Variants in GGACT observed in about 807,000 individuals in gnomAD.
GGACT encodes the protein gamma-glutamylaminecyclotransferase.
For missense variants in GGACT, 241 were observed against 233.2 expected (o/e 1.03, Z -0.22); for synonymous variants, 118 against 115.3 (o/e 1.02, Z -0.15).
At position 100,534,412 on chromosome 13, in the gene GGACT, G is replaced by A. The variant is rs1156284332; in HGVS notation, c.-10-1811C>T. ...GTGAATTAAGGAGAACCTGGGGTAGGACGGTACTGAGGAAGAGAAGAGGCA... is the reference window on the plus strand; with the variant it reads ...GTGAATTAAGGAGAACCTGGGGTAGAACGGTACTGAGGAAGAGAAGAGGCA... On this transcript the variant is annotated intron_variant, in intron 2 of 2. Coordinates refer to ENST00000683975, the MANE Select transcript of GGACT (RefSeq NM_001195087.2). The surrounding 1 kb of genome is among the most constrained non-coding windows in gnomAD (Gnocchi z 4.9). Among the ~76,000 whole-genome samples, 4 of 152,168 alleles carry A rather than the reference G, an allele frequency of 2.6e-5. No individual in the cohort carries two copies. The highest frequency in any genetic ancestry group is 9.7e-5 in the African/African-American group (4 of 41,422).
intron 2 of GGACT, among the ~76,000 whole-genome samples, chr13:100,562,295 A>G (rs2088769897): frequency 6.6e-6 from 1 of 152,190 alleles, no homozygotes; most frequent in African/African-American, 2.4e-5. Flanking sequence ...TTCCATTTTC[A>G]TAAATACACC....
At chr13:100,558,794 A>T (rs1417921866) in intron 2 of GGACT, among the ~76,000 whole-genome samples, 1 of 152,146 alleles carries the variant, frequency 6.6e-6, no homozygotes, top group Non-Finnish European at 1.5e-5. Flanking sequence ...CTGACCTCCT[A>T]GGAGCAGAAT....
At chr13:100,568,479 C>T (rs927286685) in intron 2 of GGACT, among the ~76,000 whole-genome samples, 3 of 152,244 alleles carry the variant, frequency 2.0e-5, no homozygotes, top group Non-Finnish European at 4.4e-5. Context: ...TGAGAACTAA[C>T]TCACTATCAC....
At chr13:100,532,749 C>G (rs1476790551) in intron 2 of GGACT, 148 bp from the exon 3 acceptor site, 3 of 623,900 alleles carry the variant, frequency 4.8e-6, no homozygotes, top group Non-Finnish European at 8.4e-6. Flanking sequence ...TACTTACCGA[C>G]GCAGATGAGA....
At position 100,532,553 on chromosome 13, in the gene GGACT, A is replaced by T. The variant is rs899075436; in HGVS notation, c.39T>A (p.Gly13=). Residue 13 remains glycine (G), a synonymous_variant, in exon 3 of 3, where the codon GGT becomes GGA. Transcript: ENST00000683975. ...LVFVYGTLKR[G]QPNHRVLRDG... ...CCCGCAGGACCCTGTGGTTGGGCTG[A>T]CCCCGCTTCAGGGTGCCGTACACGA... The T allele has an allele frequency of 2.2e-5, 34 of 1,547,000 alleles. No homozygotes were observed. In the African/African-American group the frequency reaches 3.8e-4, roughly 17 times the overall value.
chr13:100,585,294 C>A (rs1215403719), intron 1 of GGACT, among the ~76,000 whole-genome samples: 1 of 152,202 alleles, frequency 6.6e-6, no homozygotes, highest in Non-Finnish European at 1.5e-5. Context: ...AACACAAAAG[C>A]TTTGGAAATT....
intron 2 of GGACT, among the ~76,000 whole-genome samples, chr13:100,553,843 C>CAA (rs10664762): frequency 0.51 from 59,516 of 117,320 alleles, 15,498 homozygotes; most frequent in South Asian, 0.71. Context: ...GACTCCATCT[C>CAA]AAAAAAAAAA....
In GGACT at chr13:100,562,471, G is replaced by A. The variant is rs1427588970; in HGVS notation, c.-11+21354C>T. ...GAGGACACTGGGACAGACAGCACAGGCAACTCACCCAAAGTCACACCACTG... is the reference window on the plus strand; with the variant it reads ...GAGGACACTGGGACAGACAGCACAGACAACTCACCCAAAGTCACACCACTG... On this transcript the variant is annotated intron_variant, in intron 2 of 2. Transcript: ENST00000683975. 5.9e-5 allele frequency among the ~76,000 whole-genome samples: 9 copies of A among 152,070 alleles called. 1 individual carries two copies. Among genetic ancestry groups the A allele is most frequent in the Non-Finnish European group, 2.9e-5 (2 of 67,998 alleles).
chr13:100,547,076 G>T (rs186443089), intron 2 of GGACT, among the ~76,000 whole-genome samples: 5 of 152,304 alleles, frequency 3.3e-5, no homozygotes, highest in Admixed American at 2.6e-4. Context: ...AAACCCTACA[G>T]GTTCAAACAT....
chr13:100,562,092 A>G (rs1488347782), intron 2 of GGACT, among the ~76,000 whole-genome samples: 1 of 152,176 alleles, frequency 6.6e-6, no homozygotes, highest in Non-Finnish European at 1.5e-5. Context: ...GCCTCTAAAT[A>G]GGGACAGAAA....
At position 100,543,197 on chromosome 13, in the gene GGACT, C is replaced by CTTTTTTTTTTTTTTTTT. The variant is rs147710327; in HGVS notation, c.-10-10613_-10-10597dup. Among the ~76,000 whole-genome samples, 23 of 69,902 alleles carry CTTTTTTTTTTTTTTTTT rather than the reference C, an allele frequency of 3.3e-4. 4 individuals carry two copies. Among genetic ancestry groups the CTTTTTTTTTTTTTTTTT allele is most frequent in the African/African-American group, 1.3e-3 (21 of 16,184 alleles). The allele number at this position is 69,902 out of a possible 152,430, so 45.9% of individuals were successfully genotyped here. A position where few individuals can be genotyped will look rare whatever the true frequency, so the allele number is the denominator to read the frequency against. On this transcript the variant is annotated intron_variant, in intron 2 of 2. Transcript: ENST00000683975. Reference sequence around the variant, plus strand: ...CAAAAGGATTTTAAAAAGACACCAGCTTTTTTTTTTTTTTTTTTTTTTTTT... The same window carrying CTTTTTTTTTTTTTTTTT: ...CAAAAGGATTTTAAAAAGACACCAGCTTTTTTTTTTTTTTTTTTTTTTTTTTTTTTTTTTTTTTTTTT...
intron 2 of GGACT, among the ~76,000 whole-genome samples, chr13:100,541,333 C>T (rs1295158440): frequency 6.6e-6 from 1 of 152,202 alleles, no homozygotes; most frequent in Non-Finnish European, 1.5e-5. Context: ...ACTTGAGTTC[C>T]TGCCTCCATC....
Position 100,531,166 on chromosome 13 carries a change from G to C in GGACT, c.*964C>G, listed in dbSNP as rs975163160. 6.6e-6 allele frequency: 1 copy of C among 152,272 alleles called. No individual in the cohort carries two copies. Among genetic ancestry groups the C allele is most frequent in the Admixed American group, 6.5e-5 (1 of 15,288 alleles). 9.4% of individuals were successfully genotyped at this position (152,272 alleles called of 1,614,324 possible). A position where few individuals can be genotyped will look rare whatever the true frequency, so the allele number is the denominator to read the frequency against. ...TTTCAGACTTTGCTGGGAAGCAGAA[G>C]CAAGAGCCGTGCACCGAGTTGAATC... On this transcript the variant is annotated 3_prime_UTR_variant, in exon 3 of 3. Coordinates refer to ENST00000683975, the MANE Select transcript of GGACT (RefSeq NM_001195087.2).
At chr13:100,541,443 G>T (rs1479125215) in intron 2 of GGACT, among the ~76,000 whole-genome samples, 1 of 152,186 alleles carries the variant, frequency 6.6e-6, no homozygotes, top group African/African-American at 2.4e-5. Flanking sequence ...ACTGCCGACT[G>T]TGCAGGCATG....
rs567137579 is a variant in GGACT at position 100,567,453 on chromosome 13, G to A, written c.-11+16372C>T. ...CTTCCTCATTATTCCATTGCTTTCT[G>A]GTTCAAGATGTTCCAGGCTCATCTT... On this transcript the variant is annotated intron_variant, in intron 2 of 2. Transcript: ENST00000683975. 2.0e-5 allele frequency among the ~76,000 whole-genome samples: 3 copies of A among 152,084 alleles called. No individual in the cohort carries two copies. The East Asian group carries it at 5.8e-4, about 29-fold the overall frequency.
In GGACT at chr13:100,568,720, G is replaced by A. The variant is rs532080289; in HGVS notation, c.-11+15105C>T. ...TCCCTCAGTCTTAACTCATTCCAGC[G>A]TTAGCTCAAAAGTGAAGTCCAAAGT... On this transcript the variant is annotated intron_variant, in intron 2 of 2. Coordinates refer to ENST00000683975, the MANE Select transcript of GGACT (RefSeq NM_001195087.2). Among the ~76,000 whole-genome samples, 56 of 152,258 alleles carry A rather than the reference G, an allele frequency of 3.7e-4. No homozygotes were observed. The South Asian group carries it at 6.8e-3, about 19-fold the overall frequency.
At chr13:100,564,333 G>T (rs1023263943) in intron 2 of GGACT, among the ~76,000 whole-genome samples, 11 of 152,126 alleles carry the variant, frequency 7.2e-5, no homozygotes, top group African/African-American at 2.7e-4. Context: ...AAACAGAGAA[G>T]GGGCACTCCT....
chr13:100,536,535 A>T (rs2088495078), intron 2 of GGACT: 1 of 148,894 alleles, frequency 6.7e-6, no homozygotes, highest in African/African-American at 2.5e-5. Flanking sequence ...TTGTTCATTC[A>T]CAGGCTCAAT....
chr13:100,570,029 G>A (rs1258789397), intron 2 of GGACT, among the ~76,000 whole-genome samples: 2 of 152,224 alleles, frequency 1.3e-5, no homozygotes, highest in African/African-American at 4.8e-5. Context: ...TCTCTAGGAA[G>A]TTCCACACTT....
Sources: gnomAD v4.1 joint callset for allele counts (sites outside exome capture counted in the v4.1 genomes callset) on GRCh38, gnomAD v4.1.1 for gene constraint, Gnocchi (gnomAD v3.1) non-coding constraint, MANE v1.5 for transcripts, NCBI Gene and HGNC (gene_info 2026-07-23, HGNC 2026-07-21) for gene names.